The following BCL7C variants were observed in gnomAD, a reference collection of about 807,000 sequenced individuals.
BCL7C encodes B-cell CLL/lymphoma 7 protein family member C.
A neutral mutation model predicts 26.2 loss-of-function variants in BCL7C; 8 were observed. That is an observed-to-expected ratio of 0.30 (90% CI 0.18 to 0.55). The LOEUF (loss-of-function observed/expected upper bound fraction) is 0.55, where lower values mean the gene tolerates loss of function less well. Among genes scored for constraint, BCL7C ranks in the 20% least tolerant of loss-of-function variants. The pLI is 0.93. For missense variants in BCL7C, 262 were observed against 298.5 expected (o/e 0.88, Z 0.90); for synonymous variants, 90 against 116.5 (o/e 0.77, Z 1.47).
At position 30,887,993 on chromosome 16, in the gene BCL7C, G is replaced by A; in HGVS notation, c.529-3C>T. 6.2e-7 allele frequency: 1 copy of A among 1,603,544 alleles called. No homozygotes were observed. Among genetic ancestry groups the A allele is most frequent in the Non-Finnish European group, 8.5e-7 (1 of 1,175,666 alleles). ...AAGACAGGGTAAGCTTCGGGGGCCT[G>A]GAGAGGAAGGGTGGACAGGCGTGAG... On this transcript the variant is annotated splice_region_variant and splice_polypyrimidine_tract_variant and intron_variant, in intron 5 of 5. Coordinates refer to ENST00000215115, the MANE Select transcript of BCL7C (RefSeq NM_004765.4).
intron 5 of BCL7C, among the ~76,000 whole-genome samples, chr16:30,856,439 TA>T (rs61380254): frequency 1.0e-3 from 118 of 116,538 alleles, no homozygotes; most frequent in South Asian, 2.4e-3. Flanking sequence ...AGACTCCGTC[TA>T]AAAAAAAAAA....
intron 5 of BCL7C, among the ~76,000 whole-genome samples, chr16:30,869,268 G>A (rs1214407277): frequency 6.7e-6 from 1 of 150,364 alleles, no homozygotes; most frequent in Non-Finnish European, 1.5e-5. Flanking sequence ...GAGTTCAGTG[G>A]CACGATCATG....
At chr16:30,889,716 G>A (rs1429587831) in intron 4 of BCL7C, among the ~76,000 whole-genome samples, 3 of 151,882 alleles carry the variant, frequency 2.0e-5, no homozygotes, top group Admixed American at 1.3e-4. Flanking sequence ...CAGAAGGATC[G>A]CTTGAGCCTA....
intron 5 of BCL7C, 24 bp downstream of exon 5, chr16:30,888,836 G>C: frequency 1.2e-6 from 2 of 1,611,652 alleles, no homozygotes; most frequent in Non-Finnish European, 1.7e-6. Flanking sequence ...AGACCCAGGA[G>C]TCCAGCCTTC....
intron 5 of BCL7C, among the ~76,000 whole-genome samples, chr16:30,850,598 A>G (rs2054667137): frequency 6.6e-6 from 1 of 152,210 alleles, no homozygotes. Context: ...TAGGTGATAT[A>G]TATATAATAC....
intron 5 of BCL7C, among the ~76,000 whole-genome samples, chr16:30,879,737 C>T (rs993467660): frequency 1.4e-5 from 2 of 139,364 alleles, no homozygotes; most frequent in South Asian, 4.8e-4. Context: ...CATCTGTAAT[C>T]CCAGCACTTT....
intron 5 of BCL7C, chr16:30,851,154 G>A: frequency 3.7e-6 from 1 of 270,828 alleles, no homozygotes; most frequent in Non-Finnish European, 7.4e-6. Context: ...CTGCAAAACT[G>A]CTGGGATGCT....
intron 5 of BCL7C, among the ~76,000 whole-genome samples, chr16:30,866,995 A>G (rs1165821972): frequency 6.6e-6 from 1 of 152,242 alleles, no homozygotes; most frequent in East Asian, 1.9e-4. Context: ...TTGAGGCTAC[A>G]GTGAGCTACA....
intron 4 of BCL7C, among the ~76,000 whole-genome samples, chr16:30,891,104 G>A (rs1159118864): frequency 6.8e-6 from 1 of 147,614 alleles, no homozygotes; most frequent in Non-Finnish European, 1.5e-5. Flanking sequence ...GGGAGGCAGA[G>A]TTTGCAGTGA....
Position 30,888,916 on chromosome 16 carries a change from C to A in BCL7C, c.472G>T (p.Asp158Tyr), listed in dbSNP as rs1217175428. The A allele has an allele frequency of 1.2e-6, 2 of 1,613,990 alleles. No individual in the cohort carries two copies. Among genetic ancestry groups the A allele is most frequent in the South Asian group, 2.2e-5 (2 of 91,082 alleles). ...DPGGITAGST[D>Y]EPPMLTKEEP... ...TCCTTGGTCAGCATTGGGGGTTCGT[C>A]GGTGCTGCCAGCAGTTATGCCCCCG... is the stretch of plus-strand genomic sequence containing the variant. The change falls in exon 5 of 6, where the codon GAC (aspartate) becomes TAC (tyrosine). Residue 158 changes from aspartate to tyrosine, a missense_variant. Coordinates refer to ENST00000215115, the MANE Select transcript of BCL7C (RefSeq NM_004765.4).
At position 30,892,954 on chromosome 16, in the gene BCL7C, G is replaced by A. The variant is rs764127931; in HGVS notation, c.172-6C>T. Reference sequence around the variant, plus strand: ...CCACCTGCCCGCCTTCGCTCCTGGGGGTTAGAGGATTAGGGTCAGAGCTCT... The same window carrying A: ...CCACCTGCCCGCCTTCGCTCCTGGGAGTTAGAGGATTAGGGTCAGAGCTCT... On this transcript the variant is annotated splice_polypyrimidine_tract_variant and splice_region_variant and intron_variant, in intron 2 of 5. Transcript: ENST00000215115. 6.2e-7 allele frequency: 1 copy of A among 1,611,164 alleles called. No homozygotes were observed. The highest frequency in any genetic ancestry group is 1.1e-5 in the South Asian group (1 of 90,928).
intron 5 of BCL7C, among the ~76,000 whole-genome samples, chr16:30,840,131 G>A (rs2054592822): frequency 6.6e-6 from 1 of 150,514 alleles, no homozygotes; most frequent in African/African-American, 2.4e-5. Flanking sequence ...CTATATATCT[G>A]TTTCTTCCTC....
intron 5 of BCL7C, among the ~76,000 whole-genome samples, chr16:30,864,595 C>T (rs2054807574): frequency 6.6e-6 from 1 of 152,162 alleles, no homozygotes; most frequent in African/African-American, 2.4e-5. Context: ...ATACCACCCC[C>T]AAAAATTTTC....
chr16:30,889,925 CAAAAA>C (rs1182126462), intron 4 of BCL7C, among the ~76,000 whole-genome samples: 2 of 53,266 alleles, frequency 3.8e-5, no homozygotes, highest in Non-Finnish European at 8.2e-5. Context: ...GACCTTGTCT[CAAAAA>C]AAAAAAAAAA....
intron 5 of BCL7C, among the ~76,000 whole-genome samples, chr16:30,882,093 TG>T (rs1248847996): frequency 6.6e-6 from 1 of 151,950 alleles, no homozygotes. Context: ...CCCGAGTAGC[TG>T]GGATTATAGG....
chr16:30,870,065 C>G (rs2054869456), intron 5 of BCL7C, among the ~76,000 whole-genome samples: 1 of 152,170 alleles, frequency 6.6e-6, no homozygotes, highest in Non-Finnish European at 1.5e-5. Context: ...ATCTCAATCT[C>G]TTAGCCCAGG....
At chr16:30,878,478 G>T (rs1057414967) in intron 5 of BCL7C, among the ~76,000 whole-genome samples, 2 of 151,362 alleles carry the variant, frequency 1.3e-5, no homozygotes, top group Non-Finnish European at 2.9e-5. Flanking sequence ...GGCAGAGGTT[G>T]CAATGAGCCG....
At chr16:30,883,635 ACCT>A (rs1235729405), downstream of BCL7C, among the ~76,000 whole-genome samples, 1 of 126,276 alleles carries the variant, frequency 7.9e-6, no homozygotes, top group Admixed American at 9.9e-5. Flanking sequence ...TCCTGTCTCA[ACCT>A]CCTGAGTAGC....
chr16:30,842,439 G>C (rs1291543012), intron 5 of BCL7C, among the ~76,000 whole-genome samples: 1 of 152,178 alleles, frequency 6.6e-6, no homozygotes, highest in African/African-American at 2.4e-5. Flanking sequence ...GCCTCTGTTT[G>C]ATAGAACCTA....
Sources: gnomAD v4.1 joint callset for allele counts (sites outside exome capture counted in the v4.1 genomes callset) on GRCh38, gnomAD v4.1.1 for gene constraint, MANE v1.5 for transcripts, NCBI Gene and HGNC (gene_info 2026-07-23, HGNC 2026-07-21) for gene names.